Variants in IPO11 observed in about 807,000 individuals in gnomAD.
IPO11 encodes the protein importin-11.
A neutral mutation model predicts 143.2 loss-of-function variants in IPO11; 66 were observed. The observed-to-expected ratio is 0.46, with a 90% CI of 0.38 to 0.57. IPO11 has a LOEUF of 0.57. Among genes scored for constraint, IPO11 ranks in the 20% least tolerant of loss-of-function variants. The pLI is 0.00. For synonymous variants in IPO11, 385 were observed against 377.8 expected, an observed-to-expected ratio of 1.02 and a Z score of -0.22; for missense variants, 1,026 against 1,141.0, an observed-to-expected ratio of 0.90 and a Z score of 1.45.
chr5:62,480,955 G>A (rs1348549891), intron 9 of IPO11, among the ~76,000 whole-genome samples: 6 of 116,020 alleles, frequency 5.2e-5, no homozygotes, highest in South Asian at 2.9e-4. Context: ...TTGCTCTGTC[G>A]CCCAGGTTGG....
intron 29 of IPO11, among the ~76,000 whole-genome samples, chr5:62,619,644 G>A (rs910393338): frequency 5.9e-5 from 9 of 152,060 alleles, no homozygotes; most frequent in Admixed American, 3.9e-4. Context: ...ACGAGGTCAG[G>A]AGCTCAAGAC....
intron 21 of IPO11, among the ~76,000 whole-genome samples, chr5:62,529,611 A>C (rs1007299375): frequency 6.6e-6 from 1 of 152,220 alleles, no homozygotes; most frequent in African/African-American, 2.4e-5. Context: ...TTTGTGATAT[A>C]TAACAATCTA....
Position 62,452,925 on chromosome 5 carries a change from T to A in IPO11, c.516+992T>A, listed in dbSNP as rs1193576993. Among the ~76,000 whole-genome samples the A allele has an allele frequency of 4.0e-5, 6 of 150,754 alleles. No homozygotes were observed. In the East Asian group the frequency reaches 7.7e-4, roughly 19 times the overall value. ...ATGCCACCATGCCCAGATGGTTTTTTAATTTTTTTTAGAGATGAAGTCTCA... is the reference window on the plus strand; with the variant it reads ...ATGCCACCATGCCCAGATGGTTTTTAAATTTTTTTTAGAGATGAAGTCTCA... On this transcript the variant is annotated intron_variant, in intron 5 of 29. Coordinates refer to ENST00000325324, the MANE Select transcript of IPO11 (RefSeq NM_016338.5).
At chr5:62,526,100 A>G (rs774165125) in intron 20 of IPO11, 42 bp from the exon 21 acceptor site, 6 of 1,317,534 alleles carry the variant, frequency 4.6e-6, no homozygotes, top group Admixed American at 1.7e-5. Context: ...GGGATGGGAC[A>G]TTAGAGTGTC....
chr5:62,519,679 C>G (rs1742142408), intron 20 of IPO11, among the ~76,000 whole-genome samples: 1 of 152,186 alleles, frequency 6.6e-6, no homozygotes, highest in African/African-American at 2.4e-5. Flanking sequence ...GTACCATAAA[C>G]TTGGTGGCTT....
chr5:62,592,575 G>A (rs1745064928), intron 28 of IPO11, among the ~76,000 whole-genome samples: 1 of 152,074 alleles, frequency 6.6e-6, no homozygotes, highest in African/African-American at 2.4e-5. Flanking sequence ...GGCTGTATTA[G>A]TCCATTCTCA....
chr5:62,432,234 CT>C (rs1421637107), intron 1 of IPO11, among the ~76,000 whole-genome samples: 2 of 152,172 alleles, frequency 1.3e-5, no homozygotes, highest in Admixed American at 1.3e-4. Context: ...TTTGAGCAAG[CT>C]GTTGTGGACG....
At position 62,597,640 on chromosome 5, in the gene IPO11, C is replaced by T. The variant is rs57973534; in HGVS notation, c.2679-4124C>T. 4.4e-3 allele frequency among the ~76,000 whole-genome samples: 664 copies of T among 152,290 alleles called. 7 individuals are homozygous for T. Among genetic ancestry groups the T allele is most frequent in the African/African-American group, 0.015 (640 of 41,552 alleles). ...ACACTTCCAGTTAGGTTACACTTTA[C>T]TGTGTACGAAGAGACCTTCAGGCTG... is the stretch of plus-strand genomic sequence containing the variant. On this transcript the variant is annotated intron_variant, in intron 28 of 29. Transcript: ENST00000325324.
At chr5:62,545,183 A>G (rs1171827059) in intron 24 of IPO11, among the ~76,000 whole-genome samples, 1 of 152,218 alleles carries the variant, frequency 6.6e-6, no homozygotes, top group East Asian at 1.9e-4. Context: ...GCATCATGCT[A>G]CCTGACTTCA....
At chr5:62,513,795 C>T (rs545564521) in intron 19 of IPO11, among the ~76,000 whole-genome samples, 2,168 of 150,402 alleles carry the variant, frequency 0.014, 48 homozygotes, top group African/African-American at 0.048. Context: ...ACTTCCCAGA[C>T]GGGGTGGCAG....
At chr5:62,567,283 G>C (rs562929242) in intron 27 of IPO11, among the ~76,000 whole-genome samples, 1 of 152,164 alleles carries the variant, frequency 6.6e-6, no homozygotes, top group Admixed American at 6.5e-5. Context: ...TCTGCTGCCA[G>C]ATGTGTTGGA....
chr5:62,551,649 T>C (rs1743393549), intron 26 of IPO11, among the ~76,000 whole-genome samples: 1 of 152,230 alleles, frequency 6.6e-6, no homozygotes, highest in South Asian at 2.1e-4. Flanking sequence ...ATTTTGCATG[T>C]AGTGATGTAT....
chr5:62,425,081 A>C (rs1374452359), intron 1 of IPO11, among the ~76,000 whole-genome samples: 1 of 152,102 alleles, frequency 6.6e-6, no homozygotes, highest in Non-Finnish European at 1.5e-5. Flanking sequence ...TCTTTCTCGC[A>C]TTGCATTACT....
rs869236693 is a variant in IPO11, at chr5:62,416,182, C to CTT, written c.-7+3269_-7+3270dup. On this transcript the variant is annotated intron_variant, in intron 1 of 29. Coordinates refer to ENST00000325324, the MANE Select transcript of IPO11 (RefSeq NM_016338.5). ...TTTCTGTTTTCTTTTTTTTTCTTTTCTTTTTTTTTTTTTTTTTGAGACGGA... is the reference window on the plus strand; with the variant it reads ...TTTCTGTTTTCTTTTTTTTTCTTTTCTTTTTTTTTTTTTTTTTTTGAGACGGA... 3.6e-3 allele frequency among the ~76,000 whole-genome samples: 443 copies of CTT among 123,450 alleles called. 14 individuals carry two copies. The East Asian group carries it at 0.049, about 14-fold the overall frequency. The allele number at this position is 123,450 out of a possible 152,430, so 81.0% of individuals were successfully genotyped here.
At chr5:62,596,604 C>T (rs1745230578) in intron 28 of IPO11, among the ~76,000 whole-genome samples, 1 of 152,118 alleles carries the variant, frequency 6.6e-6, no homozygotes, top group African/African-American at 2.4e-5. Flanking sequence ...ACTTTTTTCT[C>T]CTTCACTCAA....
chr5:62,471,291 T>G (rs1745765106), intron 7 of IPO11, among the ~76,000 whole-genome samples: 1 of 151,940 alleles, frequency 6.6e-6, no homozygotes, highest in Non-Finnish European at 1.5e-5. Flanking sequence ...AATTGGGTCT[T>G]TGGGTCTCCC....
At chr5:62,591,713 A>T (rs758415753) in intron 28 of IPO11, 41 bp downstream of exon 28, 1 of 1,271,632 alleles carries the variant, frequency 7.9e-7, no homozygotes, top group Non-Finnish European at 1.1e-6. Context: ...GACTTGGGGG[A>T]TAATTAAATA....
chr5:62,447,994 C>T (rs957299002), intron 3 of IPO11, among the ~76,000 whole-genome samples: 4 of 152,142 alleles, frequency 2.6e-5, no homozygotes, highest in African/African-American at 7.2e-5. Context: ...GGATTACAGG[C>T]GTGAGCTACT....
chr5:62,486,952 A>G (rs1242802634), intron 12 of IPO11, among the ~76,000 whole-genome samples: 1 of 152,166 alleles, frequency 6.6e-6, no homozygotes, highest in Non-Finnish European at 1.5e-5. Context: ...ACACCACACA[A>G]TACCTTAAAA....
Sources: gnomAD v4.1 joint callset for allele counts (sites outside exome capture counted in the v4.1 genomes callset) on GRCh38, gnomAD v4.1.1 for gene constraint, MANE v1.5 for transcripts, NCBI Gene and HGNC (gene_info 2026-07-23, HGNC 2026-07-21) for gene names.